ZFYVE9: variants seen among roughly 807,000 people sequenced by gnomAD.
ZFYVE9 encodes zinc finger FYVE-type containing 9.
Under a neutral mutation model 126.7 loss-of-function variants are expected in ZFYVE9, and 43 were observed. The observed-to-expected ratio is 0.34, with a 90% CI of 0.27 to 0.44. The LOEUF (loss-of-function observed/expected upper bound fraction) is 0.44. Among genes scored for constraint, ZFYVE9 ranks in the 20% least tolerant of loss-of-function variants. ZFYVE9 has a pLI of 1.00. For missense variants in ZFYVE9, 1,476 were observed against 1,697.0 expected, an observed-to-expected ratio of 0.87 and a Z score of 2.29; for synonymous variants, 521 against 597.4, an observed-to-expected ratio of 0.87 and a Z score of 1.87.
chr1:52,279,566 C>A lies in ZFYVE9; in HGVS notation c.2869+952C>A, dbSNP rs564489374. Among the ~76,000 whole-genome samples, 4 of 152,280 alleles carry A rather than the reference C, an allele frequency of 2.6e-5. No individual in the cohort carries two copies. The East Asian group carries it at 7.7e-4, about 29-fold the overall frequency. ...GCAACCTCTGCCTCCTGAGCTCAAG[C>A]AGTTCTCCCACGTCAGCCTCCCAAG... On this transcript the variant is annotated intron_variant, in intron 9 of 18. Coordinates refer to ENST00000287727, the MANE Select transcript of ZFYVE9 (RefSeq NM_004799.4).
At chr1:52,335,504 C>T (rs1426993349) in intron 15 of ZFYVE9, among the ~76,000 whole-genome samples, 5 of 152,250 alleles carry the variant, frequency 3.3e-5, no homozygotes, top group Admixed American at 2.6e-4. Context: ...GGGGTACTTA[C>T]GTGGGGACTC....
chr1:52,313,552 C>T (rs1294447844), intron 13 of ZFYVE9, among the ~76,000 whole-genome samples: 2 of 152,084 alleles, frequency 1.3e-5, no homozygotes, highest in South Asian at 2.1e-4. Context: ...TGTGTCTATA[C>T]GAGGAAAGCA....
chr1:52,172,609 G>A (rs1288793), intron 1 of ZFYVE9, among the ~76,000 whole-genome samples: 116,940 of 152,010 alleles, frequency 0.77, 47,837 homozygotes, highest in Non-Finnish European at 0.9. Flanking sequence ...CCATTTTCAC[G>A]GTATTGATTG....
intron 9 of ZFYVE9, 93 bp downstream of exon 9, chr1:52,278,707 A>T: frequency 6.0e-6 from 5 of 834,598 alleles, no homozygotes; most frequent in Non-Finnish European, 8.9e-6. Context: ...GTATTTTTAT[A>T]TAGAGCCACA....
intron 3 of ZFYVE9, among the ~76,000 whole-genome samples, chr1:52,235,545 G>A (rs1236206994): frequency 1.3e-5 from 2 of 151,940 alleles, no homozygotes; most frequent in African/African-American, 2.4e-5. Flanking sequence ...TTCAAATTTG[G>A]TAAATTCAGG....
At position 52,337,762 on chromosome 1, in the gene ZFYVE9, T is replaced by C; in HGVS notation, c.3671-10T>C. On this transcript the variant is annotated splice_polypyrimidine_tract_variant and intron_variant, in intron 15 of 18. Transcript: ENST00000287727. Reference sequence around the variant, plus strand: ...ATTTGCCTCTCCTTTGGCTTTGTACTGATTCTTAGATGGTGTTATGGTCCA... The same window carrying C: ...ATTTGCCTCTCCTTTGGCTTTGTACCGATTCTTAGATGGTGTTATGGTCCA... 1 of 1,613,636 alleles carries C rather than the reference T, an allele frequency of 6.2e-7. No homozygotes were observed. Among genetic ancestry groups the C allele is most frequent in the South Asian group, 1.1e-5 (1 of 91,044 alleles).
chr1:52,164,466 G>A (rs1310309067), intron 1 of ZFYVE9, among the ~76,000 whole-genome samples: 1 of 152,002 alleles, frequency 6.6e-6, no homozygotes, highest in Non-Finnish European at 1.5e-5. Context: ...CACCCGCCTC[G>A]GACTCCCAAA....
chr1:52,278,199 T>G (rs1364411440), intron 8 of ZFYVE9, among the ~76,000 whole-genome samples: 1 of 152,202 alleles, frequency 6.6e-6, no homozygotes, highest in Non-Finnish European at 1.5e-5. Context: ...GTTGGAAAAT[T>G]TTTATTAAAT....
chr1:52,303,943 GGC>G lies in ZFYVE9; in HGVS notation c.3438+20_3438+21del, dbSNP rs1312935333. On this transcript the variant is annotated intron_variant, in intron 13 of 18. Coordinates refer to ENST00000287727, the MANE Select transcript of ZFYVE9 (RefSeq NM_004799.4). Reference sequence around the variant, plus strand: ...ACAATGAGGTAAGATTTACCATGAAGGCGTATTTTTCATAGTTGAAAACATGA... The same window carrying G: ...ACAATGAGGTAAGATTTACCATGAAGGTATTTTTCATAGTTGAAAACATGA... 4 of 1,548,514 alleles carry G rather than the reference GGC, an allele frequency of 2.6e-6. No homozygotes were observed. Among genetic ancestry groups the G allele is most frequent in the Non-Finnish European group, 2.6e-6 (3 of 1,143,662 alleles).
intron 12 of ZFYVE9, among the ~76,000 whole-genome samples, chr1:52,297,004 G>A (rs900584802): frequency 2.6e-5 from 4 of 152,044 alleles, no homozygotes; most frequent in African/African-American, 9.7e-5. Context: ...AGAGCGTTTT[G>A]CTATGTTGGC....
intron 4 of ZFYVE9, among the ~76,000 whole-genome samples, chr1:52,246,216 C>A (rs1261471922): frequency 1.3e-5 from 2 of 152,184 alleles, no homozygotes; most frequent in Non-Finnish European, 2.9e-5. Flanking sequence ...AGGTGTGAGC[C>A]ACCATGCCTG....
intron 9 of ZFYVE9, 58 bp from the exon 10 acceptor site, chr1:52,281,603 T>C: frequency 6.3e-7 from 1 of 1,581,356 alleles, no homozygotes; most frequent in Non-Finnish European, 8.6e-7. Flanking sequence ...TGCATCTTTT[T>C]TTAAGAGTAA....
chr1:52,324,700 G>T (rs748410160), intron 13 of ZFYVE9, among the ~76,000 whole-genome samples: 1 of 152,236 alleles, frequency 6.6e-6, no homozygotes, highest in South Asian at 2.1e-4. Context: ...CCTCTTGAGG[G>T]CAGAGAGTAA....
In ZFYVE9 at chr1:52,274,471, T is replaced by G; in HGVS notation, c.2633T>G (p.Ile878Ser). The G allele has an allele frequency of 1.2e-6, 2 of 1,608,268 alleles. No homozygotes were observed. Among genetic ancestry groups the G allele is most frequent in the South Asian group, 2.2e-5 (2 of 90,250 alleles). The change falls in exon 8 of 19, where the codon ATT (isoleucine) becomes AGT (serine). Residue 878 changes from isoleucine to serine, a missense_variant. Transcript: ENST00000287727. ...TTGATTTGCTTTTCCTAGACGGATA[T>G]TTGTCTATTCTCTGGGAGTATAACT... ...TTSPLPAETD[I>S]CLFSGSITQV...
chr1:52,321,560 G>C (rs1160803096), intron 13 of ZFYVE9, among the ~76,000 whole-genome samples: 1 of 152,182 alleles, frequency 6.6e-6, no homozygotes, highest in African/African-American at 2.4e-5. Flanking sequence ...ACTGCAAGAG[G>C]AGGCCACTGC....
chr1:52,336,372 T>A (rs1240373222), intron 15 of ZFYVE9, among the ~76,000 whole-genome samples: 1 of 138,290 alleles, frequency 7.2e-6, no homozygotes, highest in Non-Finnish European at 1.5e-5. Flanking sequence ...TTTTTTGTTT[T>A]TTTTTTTTTT....
intron 13 of ZFYVE9, among the ~76,000 whole-genome samples, chr1:52,308,038 C>A (rs1255597972): frequency 6.6e-6 from 1 of 152,208 alleles, no homozygotes; most frequent in East Asian, 1.9e-4. Flanking sequence ...AGGCGTGAGC[C>A]ACTGTGCCCG....
intron 1 of ZFYVE9, among the ~76,000 whole-genome samples, chr1:52,182,651 C>G (rs1208602826): frequency 6.6e-6 from 1 of 152,144 alleles, no homozygotes; most frequent in African/African-American, 2.4e-5. Flanking sequence ...AAACCAGAGA[C>G]CTTTGTTCAC....
chr1:52,328,428 T>C (rs1025451017), intron 13 of ZFYVE9, among the ~76,000 whole-genome samples: 1 of 152,188 alleles, frequency 6.6e-6, no homozygotes, highest in African/African-American at 2.4e-5. Context: ...GTAAGGTCCT[T>C]TGAATCTCTT....
Sources: gnomAD v4.1 joint callset for allele counts (sites outside exome capture counted in the v4.1 genomes callset) on GRCh38, gnomAD v4.1.1 for gene constraint, MANE v1.5 for transcripts, NCBI Gene and HGNC (gene_info 2026-07-23, HGNC 2026-07-21) for gene names.